Variants in MAB21L3 observed in about 807,000 individuals in gnomAD.
The protein encoded by MAB21L3 is mab-21 like 3.
In MAB21L3, 36 loss-of-function variants were observed where a neutral mutation model predicts 37.7. The observed-to-expected ratio is 0.96, with a 90% CI of 0.73 to 1.26. MAB21L3 has a LOEUF of 1.26. Ranked by LOEUF, MAB21L3 falls within the 50% of genes most tolerant of loss-of-function variation. The probability of loss-of-function intolerance (pLI) is 0.00; values close to 1 mark genes in which losing one functional copy is unlikely to be tolerated. For missense variants in MAB21L3, 430 were observed against 447.3 expected (o/e 0.96, Z 0.35); for synonymous variants, 186 against 176.8 (o/e 1.05, Z -0.41).
intron 4 of MAB21L3, 121 bp from the exon 5 acceptor site, chr1:116,123,945 C>T (rs1659821657): frequency 1.1e-6 from 1 of 943,248 alleles, no homozygotes; most frequent in South Asian, 1.6e-5. Context: ...TGTATCTGGT[C>T]ACTCTGCTGA....
At chr1:116,123,534 G>A (rs1198804092) in intron 4 of MAB21L3, among the ~76,000 whole-genome samples, 2 of 152,184 alleles carry the variant, frequency 1.3e-5, no homozygotes, top group Non-Finnish European at 2.9e-5. Context: ...CCAGGGTAGA[G>A]AAATAATAAC....
chr1:116,114,741 C>A (rs1250719595), intron 3 of MAB21L3, among the ~76,000 whole-genome samples: 1 of 152,206 alleles, frequency 6.6e-6, no homozygotes, highest in African/African-American at 2.4e-5. Flanking sequence ...GGGAATTTCA[C>A]ATGCAGTCAG....
rs763343202 is a variant in MAB21L3 at position 116,133,361 on chromosome 1, C to T, written c.1085C>T (p.Pro362Leu). ...CTGAAGAACCCCCAGATCGGCCCGC[C>T]CTGATGGTTGCCCCGGCCTGGGAGG... ...TFLKNPQIGP[P>L] is the part of the protein sequence containing the mutation. The change falls in exon 8 of 8, where the codon CCC becomes CTC. Residue 362 changes from proline (P) to leucine (L), a missense_variant. By Grantham distance (98) the Pro-to-Leu change is moderately conservative. Coordinates refer to ENST00000369500, the MANE Select transcript of MAB21L3 (RefSeq NM_152367.3). 6.2e-7 allele frequency: 1 copy of T among 1,613,936 alleles called. No individual in the cohort carries two copies. Among genetic ancestry groups the T allele is most frequent in the East Asian group, 2.2e-5 (1 of 44,876 alleles).
rs904014408 is a variant in MAB21L3, at chr1:116,137,693, T to C, written c.*4328T>C. On this transcript the variant is annotated 3_prime_UTR_variant, in exon 8 of 8. Coordinates refer to ENST00000369500, the MANE Select transcript of MAB21L3 (RefSeq NM_152367.3). ...ATGCACACGTATGTTTATTGCGGCATTATTCACAATAGCAGACTTGGAACC... is the reference window on the plus strand; with the variant it reads ...ATGCACACGTATGTTTATTGCGGCACTATTCACAATAGCAGACTTGGAACC... 4.6e-5 allele frequency among the ~76,000 whole-genome samples: 7 copies of C among 152,030 alleles called. No homozygotes were observed. The highest frequency in any genetic ancestry group is 1.9e-4 in the East Asian group (1 of 5,152).
At chr1:116,114,291 AC>A (rs774007308) in intron 3 of MAB21L3, among the ~76,000 whole-genome samples, 2 of 152,202 alleles carry the variant, frequency 1.3e-5, no homozygotes, top group Non-Finnish European at 2.9e-5. Context: ...AGTATCTTGC[AC>A]ATATATGATC....
chr1:116,127,464 A>T lies in MAB21L3; in HGVS notation c.482-2A>T. 6.2e-7 allele frequency: 1 copy of T among 1,612,484 alleles called. No homozygotes were observed. Among genetic ancestry groups the T allele is most frequent in the Non-Finnish European group, 8.5e-7 (1 of 1,179,266 alleles). On this transcript the variant is annotated splice_acceptor_variant, in intron 5 of 7. Coordinates refer to ENST00000369500, the MANE Select transcript of MAB21L3 (RefSeq NM_152367.3). LOFTEE classifies it high-confidence loss of function. The stretch of plus-strand genomic sequence containing the variant: ...CTTATCCATTTGGTCATTTCCCACC[A>T]GGTAAGGTCAGCCTGCTAGGAAACC...
chr1:116,126,232 T>G (rs1489450840), intron 5 of MAB21L3, among the ~76,000 whole-genome samples: 2 of 152,356 alleles, frequency 1.3e-5, no homozygotes, highest in East Asian at 3.9e-4. Context: ...TATTCAAGAC[T>G]GCTTATCTTT....
chr1:116,113,425 A>G (rs1203132632), intron 3 of MAB21L3, among the ~76,000 whole-genome samples: 1 of 152,226 alleles, frequency 6.6e-6, no homozygotes, highest in Admixed American at 6.5e-5. Flanking sequence ...TAGAGTAAAC[A>G]AAGTGATTTC....
At position 116,121,008 on chromosome 1, in the gene MAB21L3, T is replaced by A; in HGVS notation, c.125T>A (p.Ile42Asn). Residue 42 changes from isoleucine (I) to asparagine (N), a missense_variant, in exon 4 of 8, where the codon ATC becomes AAC. Transcript: ENST00000369500. ...GTCGTTCATCATTTGACCACAAACA[T>A]CAGCAACCAAGACATTAGATTTCAA... ...QKVVHHLTTN[I>N]SNQDIRFQAV... 1 of 1,614,074 alleles carries A rather than the reference T, an allele frequency of 6.2e-7. No homozygotes were observed. The highest frequency in any genetic ancestry group is 1.1e-5 in the South Asian group (1 of 91,072).
chr1:116,121,110 A>G (rs563721817), intron 4 of MAB21L3, 38 bp downstream of exon 4: 2 of 1,594,724 alleles, frequency 1.3e-6, no homozygotes, highest in African/African-American at 2.7e-5. Flanking sequence ...CCACCAACAG[A>G]GCCAGGACAC....
intron 3 of MAB21L3, among the ~76,000 whole-genome samples, chr1:116,113,372 C>G (rs890588890): frequency 8.6e-5 from 13 of 152,046 alleles, no homozygotes; most frequent in African/African-American, 3.1e-4. Flanking sequence ...TTAGGCAAAA[C>G]CATTAAGAGA....
rs758041979 is a variant in MAB21L3, at chr1:116,133,169, T to TTAAAGACTGGCAGGTCTTCAGCAAAGCA, written c.895_922dup (p.Phe308Ter). The TTAAAGACTGGCAGGTCTTCAGCAAAGCA allele has an allele frequency of 3.1e-6, 5 of 1,614,124 alleles. No homozygotes were observed. The South Asian group carries it at 5.5e-5, about 18-fold the overall frequency. ...TGGACCTGCGAGAAATATCCCCACT[T>TTAAAGACTGGCAGGTCTTCAGCAAAGCA]TAAAGACTGGCAGGTCTTCAGCAAA... On this transcript the variant is annotated frameshift_variant, in exon 8 of 8. Transcript: ENST00000369500. LOFTEE classifies it high-confidence loss of function.
At chr1:116,129,694 A>G (rs1434513531) in intron 7 of MAB21L3, among the ~76,000 whole-genome samples, 3 of 152,158 alleles carry the variant, frequency 2.0e-5, no homozygotes, top group African/African-American at 4.8e-5. Context: ...CAAAACCCCC[A>G]TTATCTCTCC....
intron 3 of MAB21L3, among the ~76,000 whole-genome samples, chr1:116,119,475 CT>C (rs1288009766): frequency 2.0e-5 from 3 of 151,622 alleles, no homozygotes; most frequent in African/African-American, 7.3e-5. Flanking sequence ...TTGACTTGGA[CT>C]TTTTTTTTCT....
At chr1:116,130,072 C>T (rs111821783) in intron 7 of MAB21L3, among the ~76,000 whole-genome samples, 3,327 of 152,302 alleles carry the variant, frequency 0.022, 116 homozygotes, top group African/African-American at 0.077. Context: ...AGAGCTGAGA[C>T]GCAAACTCAA....
At chr1:116,126,494 G>C (rs996434841) in intron 5 of MAB21L3, among the ~76,000 whole-genome samples, 5 of 152,144 alleles carry the variant, frequency 3.3e-5, no homozygotes, top group African/African-American at 1.2e-4. Flanking sequence ...ATACCTCTGA[G>C]GCTCGGCTGG....
chr1:116,127,386 TG>T, intron 5 of MAB21L3, 79 bp from the exon 6 acceptor site: 5 of 1,441,468 alleles, frequency 3.5e-6, no homozygotes, highest in Non-Finnish European at 4.8e-6. Flanking sequence ...TCAGAGCAAC[TG>T]CTCACAAATT....
At chr1:116,114,584 G>A (rs558154034) in intron 3 of MAB21L3, among the ~76,000 whole-genome samples, 6 of 152,206 alleles carry the variant, frequency 3.9e-5, no homozygotes, top group Non-Finnish European at 8.8e-5. Flanking sequence ...CTAAGCACCT[G>A]CTTTGTGCAA....
intron 3 of MAB21L3, among the ~76,000 whole-genome samples, chr1:116,116,772 T>C (rs1408223372): frequency 2.0e-5 from 3 of 152,140 alleles, no homozygotes; most frequent in Non-Finnish European, 4.4e-5. Context: ...GCAGAAGTGA[T>C]GGAGGAAGAA....
Sources: gnomAD v4.1 joint callset for allele counts (sites outside exome capture counted in the v4.1 genomes callset) on GRCh38, gnomAD v4.1.1 for gene constraint, MANE v1.5 for transcripts, NCBI Gene and HGNC (gene_info 2026-07-23, HGNC 2026-07-21) for gene names.